The following PIAS1 variants were observed in gnomAD, a reference collection of about 807,000 sequenced individuals.
PIAS1 encodes the protein E3 SUMO-protein ligase PIAS1.
In PIAS1, 6 loss-of-function variants were observed where a neutral mutation model predicts 71.3. The ratio of observed to expected loss-of-function variants is 0.08; its 90% CI spans 0.05 to 0.17. The LOEUF (loss-of-function observed/expected upper bound fraction) is 0.17, where lower values mean the gene tolerates loss of function less well. Among genes scored for constraint, PIAS1 ranks in the 10% least tolerant of loss-of-function variants. The pLI is 1.00. For missense variants in PIAS1, 555 were observed against 793.6 expected (o/e 0.70, Z 3.61); for synonymous variants, 303 against 292.9 (o/e 1.03, Z -0.35).
intron 2 of PIAS1, among the ~76,000 whole-genome samples, chr15:68,096,356 A>G (rs1236034769): frequency 6.6e-6 from 1 of 151,898 alleles, no homozygotes; most frequent in African/African-American, 2.4e-5. Flanking sequence ...GAAATAAGGA[A>G]GTGTGAGGCT....
intron 10 of PIAS1, 94 bp downstream of exon 10, chr15:68,175,861 C>T (rs1259105227): frequency 9.0e-6 from 7 of 781,376 alleles, no homozygotes; most frequent in African/African-American, 1.8e-5. Flanking sequence ...AATCACTGAG[C>T]AGTTTGTGGA....
intron 2 of PIAS1, among the ~76,000 whole-genome samples, chr15:68,132,274 T>C: frequency 6.6e-6 from 1 of 151,880 alleles, no homozygotes; most frequent in East Asian, 2.0e-4. Context: ...GTCAGGAGAT[T>C]GAGATCATCC....
intron 2 of PIAS1, 123 bp from the exon 3 acceptor site, chr15:68,141,823 C>T: frequency 1.7e-6 from 1 of 592,080 alleles, no homozygotes; most frequent in Non-Finnish European, 3.0e-6. Context: ...GCTTTAATTG[C>T]CTTGTTATCT....
intron 1 of PIAS1, among the ~76,000 whole-genome samples, chr15:68,077,993 C>T (rs915322534): frequency 6.6e-6 from 1 of 152,188 alleles, no homozygotes; most frequent in Non-Finnish European, 1.5e-5. Flanking sequence ...AGCTTTCTCT[C>T]AGATAGGGTA....
At chr15:68,093,353 A>T (rs2092348393) in intron 2 of PIAS1, among the ~76,000 whole-genome samples, 1 of 152,246 alleles carries the variant, frequency 6.6e-6, no homozygotes, top group Non-Finnish European at 1.5e-5. Context: ...GGTTCTTGGT[A>T]AGCATACCAC....
At chr15:68,072,916 T>C (rs1345642203) in intron 1 of PIAS1, among the ~76,000 whole-genome samples, 1 of 152,248 alleles carries the variant, frequency 6.6e-6, no homozygotes, top group African/African-American at 2.4e-5. Context: ...TAAAAAATTA[T>C]TGTTTGAACA....
At chr15:68,081,173 T>C (rs2092224822) in intron 1 of PIAS1, among the ~76,000 whole-genome samples, 1 of 152,216 alleles carries the variant, frequency 6.6e-6, no homozygotes, top group African/African-American at 2.4e-5. Context: ...GTTTTACATA[T>C]CTGAAAAGGG....
At chr15:68,060,808 C>T (rs940008082) in intron 1 of PIAS1, among the ~76,000 whole-genome samples, 10 of 152,220 alleles carry the variant, frequency 6.6e-5, no homozygotes, top group South Asian at 2.1e-4. Context: ...CTCAGCCTCC[C>T]GAGTAGCTGG....
At chr15:68,075,375 T>G (rs1379220824) in intron 1 of PIAS1, among the ~76,000 whole-genome samples, 3 of 152,104 alleles carry the variant, frequency 2.0e-5, no homozygotes, top group Non-Finnish European at 2.9e-5. Context: ...CGTGAGCCAC[T>G]GTGCCCAGCC....
intron 1 of PIAS1, among the ~76,000 whole-genome samples, chr15:68,078,392 T>G (rs2092193452): frequency 6.6e-6 from 1 of 152,204 alleles, no homozygotes; most frequent in Non-Finnish European, 1.5e-5. Flanking sequence ...TATTTCTTAG[T>G]TTTTTTCTTA....
chr15:68,058,646 A>G (rs1403286073), intron 1 of PIAS1, among the ~76,000 whole-genome samples: 2 of 152,218 alleles, frequency 1.3e-5, no homozygotes, highest in African/African-American at 2.4e-5. Context: ...GCATTTTGCA[A>G]GCTTCCTTGC....
intron 6 of PIAS1, among the ~76,000 whole-genome samples, chr15:68,148,872 T>C (rs1340121777): frequency 6.6e-6 from 1 of 152,154 alleles, no homozygotes; most frequent in Admixed American, 6.5e-5. Flanking sequence ...GAAGTATTAG[T>C]GAAATGGTAT....
chr15:68,182,425 A>AGTATGTGT (rs1491372817), intron 12 of PIAS1, among the ~76,000 whole-genome samples: 1 of 123,278 alleles, frequency 8.1e-6, no homozygotes, highest in Non-Finnish European at 1.7e-5. Context: ...AGTTACAGCT[A>AGTATGTGT]GTGTGTGTGT....
At chr15:68,088,579 T>G (rs970568564) in intron 2 of PIAS1, among the ~76,000 whole-genome samples, 3 of 152,150 alleles carry the variant, frequency 2.0e-5, no homozygotes, top group African/African-American at 7.2e-5. Context: ...CTCATCGTTA[T>G]AGAATTAAAA....
At chr15:68,155,417 C>T (rs903473398) in intron 7 of PIAS1, among the ~76,000 whole-genome samples, 2 of 108,554 alleles carry the variant, frequency 1.8e-5, no homozygotes, top group Non-Finnish European at 3.5e-5. Flanking sequence ...TACTAAAAAA[C>T]AGGTTATCTA....
chr15:68,114,914 T>C (rs1202195547), intron 2 of PIAS1, among the ~76,000 whole-genome samples: 1 of 152,082 alleles, frequency 6.6e-6, no homozygotes, highest in Non-Finnish European at 1.5e-5. Context: ...TTGTGGGCAG[T>C]TCTCTTCTTT....
chr15:68,137,316 G>A (rs1043901426), intron 2 of PIAS1, among the ~76,000 whole-genome samples: 4 of 152,076 alleles, frequency 2.6e-5, no homozygotes, highest in African/African-American at 9.7e-5. Flanking sequence ...ATGTTCATAT[G>A]TCCCCTGAGA....
At chr15:68,114,060 A>T (rs990264350) in intron 2 of PIAS1, among the ~76,000 whole-genome samples, 3 of 60,580 alleles carry the variant, frequency 5.0e-5, no homozygotes, top group Non-Finnish European at 9.2e-5. Flanking sequence ...ACACACACAC[A>T]CTTATATACA....
rs866223027 is a variant in PIAS1 at position 68,085,468 on chromosome 15, G to A, written c.25-838G>A. Among the ~76,000 whole-genome samples the A allele has an allele frequency of 2.6e-5, 4 of 152,314 alleles. 1 individual carries two copies. The highest frequency in any genetic ancestry group is 3.4e-3 in the Middle Eastern group (1 of 294). ...TGCAGCCTCATGCATTATGGCATAT[G>A]AATTGGGTTGCTGGACTTCTAGCTT... On this transcript the variant is annotated intron_variant, in intron 1 of 13. Transcript: ENST00000249636.
Sources: gnomAD v4.1 joint callset for allele counts (sites outside exome capture counted in the v4.1 genomes callset) on GRCh38, gnomAD v4.1.1 for gene constraint, MANE v1.5 for transcripts, NCBI Gene and HGNC (gene_info 2026-07-23, HGNC 2026-07-21) for gene names.